COPS2: variants seen among roughly 807,000 people sequenced by gnomAD.
The protein encoded by COPS2 is COP9 signalosome subunit 2.
In COPS2, 10 loss-of-function variants were observed where a neutral mutation model predicts 66.1. The ratio of observed to expected loss-of-function variants is 0.15; its 90% CI spans 0.09 to 0.26. COPS2 has a LOEUF of 0.26. Among genes scored for constraint, COPS2 ranks in the 10% least tolerant of loss-of-function variants. The pLI, the probability that COPS2 is intolerant of heterozygous loss-of-function variation, is 1.00. For synonymous variants in COPS2, 179 were observed against 171.3 expected (o/e 1.04, Z -0.35); for missense variants, 215 against 513.3 (o/e 0.42, Z 5.62).
chr15:49,153,096 C>A (rs537812929), intron 1 of COPS2, among the ~76,000 whole-genome samples: 17 of 152,214 alleles, frequency 1.1e-4, no homozygotes, highest in African/African-American at 2.6e-4. Context: ...GAAACACTTA[C>A]AAACACAAAC....
intron 8 of COPS2, 56 bp downstream of exon 8, chr15:49,133,874 A>T (rs2084233607): frequency 6.4e-7 from 1 of 1,551,298 alleles, no homozygotes; most frequent in African/African-American, 1.4e-5. Flanking sequence ...AAAAAAAGAA[A>T]TAACATTTAT....
intron 11 of COPS2, 102 bp from the exon 12 acceptor site, chr15:49,128,862 T>C: frequency 5.5e-6 from 4 of 732,500 alleles, no homozygotes; most frequent in South Asian, 4.0e-5. Flanking sequence ...TAAAGGAAAA[T>C]TAGTGAAGAG....
chr15:49,133,100 T>C (rs1394695427), intron 9 of COPS2, among the ~76,000 whole-genome samples: 1 of 151,098 alleles, frequency 6.6e-6, no homozygotes, highest in Non-Finnish European at 1.5e-5. Flanking sequence ...GCCATTCTCC[T>C]GCCTCAGCCT....
intron 9 of COPS2, among the ~76,000 whole-genome samples, chr15:49,132,938 G>A (rs530805137): frequency 2.6e-5 from 4 of 151,306 alleles, no homozygotes; most frequent in East Asian, 1.9e-4. Flanking sequence ...TTACCAGTAC[G>A]ACCCTTCTGT....
chr15:49,127,516 A>G lies in COPS2; in HGVS notation c.*434T>C, dbSNP rs2084176940. 1 of 154,136 alleles carries G rather than the reference A, an allele frequency of 6.5e-6. No individual in the cohort carries two copies. Among genetic ancestry groups the G allele is most frequent in the Non-Finnish European group, 1.4e-5 (1 of 69,090 alleles). 9.5% of individuals were successfully genotyped at this position (154,136 alleles called of 1,614,324 possible). A position where few individuals can be genotyped will look rare whatever the true frequency, so the allele number is the denominator to read the frequency against. On this transcript the variant is annotated 3_prime_UTR_variant, in exon 13 of 13. Transcript: ENST00000388901. ...AAATGCAGCAAACATTTTAATTTAT[A>G]CATGAGAAAAGGAAGTGTTCAAAAG...
At chr15:49,144,328 GTTTATC>G in intron 2 of COPS2, 24 bp from the exon 3 acceptor site, 1 of 1,416,208 alleles carries the variant, frequency 7.1e-7, no homozygotes, top group African/African-American at 1.4e-5. Flanking sequence ...GAAATTTTTA[GTTTATC>G]TTAATATTAA....
At chr15:49,135,353 ACATGCCAGGCACTGGGTCTGT>A (rs1172316874) in intron 6 of COPS2, among the ~76,000 whole-genome samples, 1 of 152,138 alleles carries the variant, frequency 6.6e-6, no homozygotes, top group Admixed American at 6.5e-5. Context: ...AGTCCCTTCC[ACATGCCAGGCACTGGGTCTGT>A]CATGGGGAAA....
At chr15:49,139,166 C>G (rs1256624600) in intron 4 of COPS2, 1 of 161,976 alleles carries the variant, frequency 6.2e-6, no homozygotes, top group Admixed American at 6.5e-5. Flanking sequence ...CAAATCCACA[C>G]AAATAACCTG....
intron 3 of COPS2, among the ~76,000 whole-genome samples, chr15:49,140,508 A>C (rs1268151059): frequency 1.3e-5 from 2 of 152,094 alleles, no homozygotes; most frequent in Non-Finnish European, 2.9e-5. Flanking sequence ...CCCCCCATCT[A>C]AGGTTCTATT....
chr15:49,135,234 G>A (rs551613692), intron 6 of COPS2, among the ~76,000 whole-genome samples: 5 of 152,288 alleles, frequency 3.3e-5, no homozygotes, highest in East Asian at 1.9e-4. Flanking sequence ...ACTGCTGTAC[G>A]TATGAAATGT....
At chr15:49,155,017 T>C (rs1357294081) in intron 1 of COPS2, among the ~76,000 whole-genome samples, 1 of 152,218 alleles carries the variant, frequency 6.6e-6, no homozygotes, top group Non-Finnish European at 1.5e-5. Context: ...CTATTTAAGC[T>C]ATGTCTCCAG....
At chr15:49,152,074 C>T (rs559215556) in intron 1 of COPS2, among the ~76,000 whole-genome samples, 2 of 148,914 alleles carry the variant, frequency 1.3e-5, no homozygotes, top group East Asian at 2.0e-4. Flanking sequence ...TTAACTAAAA[C>T]GAGGTGATGA....
Position 49,144,238 on chromosome 15 carries a change from T to C in COPS2, c.235A>G (p.Asn79Asp). ...AAAACAAATCTTACCAACTTGAAGT[T>C]AATCTTAATCATTTGTTTCAGTGCT... is the stretch of plus-strand genomic sequence containing the variant. The part of the protein sequence containing the change: ...FKALKQMIKI[N>D]FKLTNFPEMM... Residue 79 changes from asparagine (N) to aspartate (D), a missense_variant, in exon 3 of 13, where the codon AAC becomes GAC. By Grantham distance (23) the Asn-to-Asp change is conservative (BLOSUM62 1). Around this residue, in one of 5 missense-constraint regions of COPS2, gnomAD observed 90 missense variants for 225.1 expected, o/e 0.40. Coordinates refer to ENST00000388901, the MANE Select transcript of COPS2 (RefSeq NM_004236.4). The C allele has an allele frequency of 6.2e-7, 1 of 1,605,858 alleles. No individual in the cohort carries two copies.
At chr15:49,144,349 T>C in intron 2 of COPS2, 45 bp from the exon 3 acceptor site, 1 of 1,135,224 alleles carries the variant, frequency 8.8e-7, no homozygotes, top group Non-Finnish European at 1.3e-6. Flanking sequence ...TATTAACACA[T>C]TATTTTCTAA....
intron 1 of COPS2, among the ~76,000 whole-genome samples, chr15:49,155,136 G>GGGGGCCCGGAACGC (rs2084410684): frequency 6.6e-6 from 1 of 152,258 alleles, no homozygotes; most frequent in Non-Finnish European, 1.5e-5. Flanking sequence ...GTGAAGAAGT[G>GGGGGCCCGGAACGC]GGGGCCCGGA....
At chr15:49,148,003 C>T (rs1183291769) in intron 1 of COPS2, among the ~76,000 whole-genome samples, 1 of 152,166 alleles carries the variant, frequency 6.6e-6, no homozygotes, top group Non-Finnish European at 1.5e-5. Flanking sequence ...CTTGAACCAG[C>T]CATCATGACA....
intron 6 of COPS2, 34 bp from the exon 7 acceptor site, chr15:49,134,548 A>G: frequency 6.6e-7 from 1 of 1,514,832 alleles, no homozygotes. Context: ...TAGACAAGAT[A>G]GAATTCAGAC....
Position 49,132,951 on chromosome 15 carries a change from C to A in COPS2, c.947+808G>T, listed in dbSNP as rs1004323211. ...TCTTACCAGTACGACCCTTCTGTCA[C>A]CCCACACTCCACCTCAGAAAATTAT... On this transcript the variant is annotated intron_variant, in intron 9 of 12. Coordinates refer to ENST00000388901, the MANE Select transcript of COPS2 (RefSeq NM_004236.4). Among the ~76,000 whole-genome samples, 6 of 152,020 alleles carry A rather than the reference C, an allele frequency of 3.9e-5. No individual in the cohort carries two copies. In the East Asian group the frequency reaches 7.7e-4, roughly 20 times the overall value.
At chr15:49,150,204 C>T (rs781493511) in intron 1 of COPS2, among the ~76,000 whole-genome samples, 7 of 148,854 alleles carry the variant, frequency 4.7e-5, no homozygotes, top group Admixed American at 3.4e-4. Context: ...ATGAGAATCA[C>T]GCCACTGCAC....
Sources: allele counts gnomAD v4.1 joint callset (sites outside exome capture counted in the v4.1 genomes callset), GRCh38; gene constraint gnomAD v4.1.1; regional missense constraint gnomAD v4.1.1; transcripts MANE v1.5; gene names NCBI Gene and HGNC (gene_info 2026-07-23, HGNC 2026-07-21).